The following PRPF4 variants were observed in gnomAD, a reference collection of about 807,000 sequenced individuals.
PRPF4 encodes the protein U4/U6 small nuclear ribonucleoprotein Prp4.
In PRPF4, 14 loss-of-function variants were observed where a neutral mutation model predicts 72.2. That is an observed-to-expected ratio of 0.19 (90% CI 0.13 to 0.30). The LOEUF (loss-of-function observed/expected upper bound fraction) is 0.30. PRPF4 is among the 10% of genes least tolerant of loss of function. The pLI, the probability that PRPF4 is intolerant of heterozygous loss-of-function variation, is 1.00. For synonymous variants in PRPF4, 225 were observed against 232.2 expected, an observed-to-expected ratio of 0.97 and a Z score of 0.28; for missense variants, 478 against 653.9, an observed-to-expected ratio of 0.73 and a Z score of 2.93.
rs1418649318 is a variant in PRPF4, at chr9:113,290,954, A to G, written c.1310A>G (p.Gln437Arg). The change falls in exon 13 of 14, where the codon CAG becomes CGG. Residue 437 changes from glutamine to arginine, a missense_variant. By Grantham distance (43) the Gln-to-Arg change is conservative (BLOSUM62 1). Transcript: ENST00000374198. ...ACCTGCAAAGTGTGGGACCTCCGACAGCGGCGTTGCGTCTACACCATCCCT... is the reference window on the plus strand; with the variant it reads ...ACCTGCAAAGTGTGGGACCTCCGACGGCGGCGTTGCGTCTACACCATCCCT... ...DNTCKVWDLR[Q>R]RRCVYTIPAH... is the part of the protein sequence containing the mutation. The G allele has an allele frequency of 6.2e-7, 1 of 1,614,190 alleles. No individual in the cohort carries two copies. The highest frequency in any genetic ancestry group is 8.5e-7 in the Non-Finnish European group (1 of 1,180,032).
chr9:113,275,706 T>G lies in PRPF4; in HGVS notation c.-38T>G, dbSNP rs764710245. On this transcript the variant is annotated 5_prime_UTR_variant, in exon 1 of 14. Coordinates refer to ENST00000374198, the MANE Select transcript of PRPF4 (RefSeq NM_001244926.2). ...CGGTGGACGGTCTGAAAGGGAGTGTTCGGGTTTCGCTGGGGCCTCGCGGCT... is the reference window on the plus strand; with the variant it reads ...CGGTGGACGGTCTGAAAGGGAGTGTGCGGGTTTCGCTGGGGCCTCGCGGCT... The G allele has an allele frequency of 6.2e-7, 1 of 1,605,372 alleles. No individual in the cohort carries two copies. The highest frequency in any genetic ancestry group is 8.5e-7 in the Non-Finnish European group (1 of 1,175,760).
chr9:113,278,288 C>T (rs1832176111), intron 2 of PRPF4, among the ~76,000 whole-genome samples: 1 of 152,216 alleles, frequency 6.6e-6, no homozygotes, highest in South Asian at 2.1e-4. Flanking sequence ...ATGAAGACTC[C>T]TCTGCAGTAG....
chr9:113,292,265 A>AG lies in PRPF4; in HGVS notation c.*607dup, dbSNP rs975489536. On this transcript the variant is annotated 3_prime_UTR_variant, in exon 14 of 14. Coordinates refer to ENST00000374198, the MANE Select transcript of PRPF4 (RefSeq NM_001244926.2). ...CCTTATAGCCTTCCTCACAGCACCC[A>AG]GGATTGTGACTGACTCTGCATTTTT... The AG allele has an allele frequency of 6.6e-6, 1 of 152,526 alleles. No individual in the cohort carries two copies. The highest frequency in any genetic ancestry group is 6.5e-5 in the Admixed American group (1 of 15,280). The allele number at this position is 152,526 out of a possible 1,614,324, so 9.4% of individuals were successfully genotyped here.
At position 113,291,016 on chromosome 9, in the gene PRPF4, C is replaced by A. The variant is rs768775315; in HGVS notation, c.1372C>A (p.Pro458Thr). 4.3e-6 allele frequency: 7 copies of A among 1,609,784 alleles called. No homozygotes were observed. In the Admixed American group the frequency reaches 1.2e-4, roughly 27 times the overall value. The part of the protein sequence containing the change: ...QNLVTGVKFE[P>T]IHGNFLLTGA... ...CTTAGTGACTGGTGTCAAGTTTGAG[C>A]GTAAGCTTTCCTCCTATTTTACGTC... The change falls in exon 13 of 14, where the codon CCT (proline) becomes ACT (threonine). Residue 458 changes from proline (P) to threonine (T), a missense_variant and splice_region_variant. By Grantham distance (38) the Pro-to-Thr change is conservative. Transcript: ENST00000374198.
Position 113,291,838 on chromosome 9 carries a change from G to A in PRPF4, c.*178G>A, listed in dbSNP as rs1041238859. On this transcript the variant is annotated 3_prime_UTR_variant, in exon 14 of 14. Transcript: ENST00000374198. ...TCCAGGAAGGCAGCCCAATCCCTAG[G>A]TGATGGGGAACCCCTCTCACGGTTG... 4 of 611,444 alleles carry A rather than the reference G, an allele frequency of 6.5e-6. No homozygotes were observed. Among genetic ancestry groups the A allele is most frequent in the Non-Finnish European group, 1.1e-5 (4 of 360,806 alleles). The allele number at this position is 611,444 out of a possible 1,614,324, so 37.9% of individuals were successfully genotyped here.
chr9:113,282,943 T>C, intron 4 of PRPF4, 189 bp from the exon 5 acceptor site: 1 of 1,166,248 alleles, frequency 8.6e-7, no homozygotes, highest in South Asian at 1.6e-5. Flanking sequence ...GAAAGAATCA[T>C]GGCATTCCTG....
rs757227440 is a variant in PRPF4 at position 113,290,536 on chromosome 9, A to G, written c.1093A>G (p.Met365Val). 9.3e-6 allele frequency: 15 copies of G among 1,614,078 alleles called. No homozygotes were observed. In the Admixed American group the frequency reaches 2.0e-4, roughly 22 times the overall value. ...GATCCTGCATCAGGAAGGCCATAGC[A>G]TGGGTGTGTATGACATTGCCTTCCA... is the stretch of plus-strand genomic sequence containing the variant. ...EEILHQEGHS[M>V]GVYDIAFHQD... is the part of the protein sequence containing the mutation. The change falls in exon 11 of 14, where the codon ATG becomes GTG. Residue 365 changes from methionine (M) to valine (V), a missense_variant. Met to Val is a conservative substitution (Grantham distance 21, BLOSUM62 1). Coordinates refer to ENST00000374198, the MANE Select transcript of PRPF4 (RefSeq NM_001244926.2).
chr9:113,277,469 T>C (rs991275101), intron 2 of PRPF4, among the ~76,000 whole-genome samples: 36 of 152,110 alleles, frequency 2.4e-4, no homozygotes, highest in African/African-American at 8.7e-4. Flanking sequence ...CACTGCAACC[T>C]CTGCCTTTTG....
At position 113,275,667 on chromosome 9, in the gene PRPF4, C is replaced by A; in HGVS notation, c.-77C>A. 6.5e-7 allele frequency: 1 copy of A among 1,540,048 alleles called. No individual in the cohort carries two copies. The highest frequency in any genetic ancestry group is 8.8e-7 in the Non-Finnish European group (1 of 1,134,152). ...ACTTCCTGTCAGTGACGCACTTCCC[C>A]TCTGCTGGGCGCGCGGTGGACGGTC... On this transcript the variant is annotated 5_prime_UTR_variant, in exon 1 of 14. Transcript: ENST00000374198.
rs1459935085 is a variant in PRPF4, at chr9:113,279,014, G to A, written c.275G>A (p.Arg92Lys). 6.2e-7 allele frequency: 1 copy of A among 1,614,220 alleles called. No homozygotes were observed. The highest frequency in any genetic ancestry group is 8.5e-7 in the Non-Finnish European group (1 of 1,180,032). Residue 92 changes from arginine to lysine, a missense_variant, in exon 3 of 14, where the codon AGG (arginine) becomes AAG (lysine). Arg to Lys is a conservative substitution (Grantham distance 26). Coordinates refer to ENST00000374198, the MANE Select transcript of PRPF4 (RefSeq NM_001244926.2). ...GAAGTATTGGCTGAGTTTGAGAGAA[G>A]GAAGCGAGCCCGGCAGATCAATGTT... ...QAEVLAEFER[R>K]KRARQINVST...
In PRPF4 at chr9:113,288,178, T is replaced by A. The variant is rs1285042477; in HGVS notation, c.936T>A (p.Asp312Glu). 1 of 1,614,014 alleles carries A rather than the reference T, an allele frequency of 6.2e-7. No individual in the cohort carries two copies. Among genetic ancestry groups the A allele is most frequent in the African/African-American group, 1.3e-5 (1 of 74,942 alleles). The change falls in exon 10 of 14, where the codon GAT becomes GAA. Residue 312 changes from aspartate (D) to glutamate (E), a missense_variant. Coordinates refer to ENST00000374198, the MANE Select transcript of PRPF4 (RefSeq NM_001244926.2). ...GSVKLWSLDS[D>E]EPVADIEGHT... ...TATATGTTTGGTTCCTTTCCAGTGATGAACCAGTGGCAGATATTGAAGGCC... is the reference window on the plus strand; with the variant it reads ...TATATGTTTGGTTCCTTTCCAGTGAAGAACCAGTGGCAGATATTGAAGGCC...
intron 1 of PRPF4, 142 bp from the exon 2 acceptor site, chr9:113,276,406 G>A (rs2118580863): frequency 4.8e-6 from 4 of 839,398 alleles, no homozygotes; most frequent in South Asian, 3.2e-5. Context: ...TCAATGAAGA[G>A]CGTCTTAAGT....
At chr9:113,279,803 C>T (rs1314118507) in intron 3 of PRPF4, among the ~76,000 whole-genome samples, 2 of 152,184 alleles carry the variant, frequency 1.3e-5, no homozygotes, top group African/African-American at 4.8e-5. Flanking sequence ...ATTGAGACAT[C>T]AAATGCATTC....
Position 113,289,058 on chromosome 9 carries a change from C to G in PRPF4, c.1022+794C>G, listed in dbSNP as rs191607583. Among the ~76,000 whole-genome samples, 254 of 152,328 alleles carry G rather than the reference C, an allele frequency of 1.7e-3. 2 individuals carry two copies. Among genetic ancestry groups the G allele is most frequent in the African/African-American group, 5.8e-3 (240 of 41,566 alleles). ...GCCCTTTTCCAGCCAACTCCCCCTT[C>G]TAAAGCAACTGCTGATCTGACTTCT... On this transcript the variant is annotated intron_variant, in intron 10 of 13. Coordinates refer to ENST00000374198, the MANE Select transcript of PRPF4 (RefSeq NM_001244926.2).
chr9:113,276,869 C>T, intron 2 of PRPF4, 144 bp downstream of exon 2: 3 of 933,042 alleles, frequency 3.2e-6, no homozygotes, highest in Non-Finnish European at 3.1e-6. Context: ...GGCTGGAGTG[C>T]AGTGGTGCGA....
chr9:113,284,383 C>T lies in PRPF4; in HGVS notation c.743C>T (p.Ala248Val), dbSNP rs1832373198. 2 of 1,608,152 alleles carry T rather than the reference C, an allele frequency of 1.2e-6. No homozygotes were observed. The highest frequency in any genetic ancestry group is 1.7e-6 in the Non-Finnish European group (2 of 1,174,610). ...FSPNSKMLAT[A>V]CWSGLCKLWS... ...CCCAATTCCAAGATGCTGGCCACAG[C>T]TTGTTGGTAAGTTCCATTTTACAAT... Residue 248 changes from alanine (A) to valine (V), a missense_variant, in exon 7 of 14, where the codon GCT becomes GTT. Coordinates refer to ENST00000374198, the MANE Select transcript of PRPF4 (RefSeq NM_001244926.2).
intron 9 of PRPF4, 110 bp from the exon 10 acceptor site, chr9:113,288,065 C>G: frequency 1.0e-6 from 1 of 962,464 alleles, no homozygotes; most frequent in Non-Finnish European, 1.5e-6. Context: ...AGTGTAGTTA[C>G]AATTTAGCCT....
intron 9 of PRPF4, among the ~76,000 whole-genome samples, chr9:113,287,218 T>C (rs10981715): frequency 0.36 from 55,085 of 152,044 alleles, 10,297 homozygotes; most frequent in South Asian, 0.53. Flanking sequence ...TTGATTTTTG[T>C]CTATAGCCTA....
At chr9:113,278,839 T>C in intron 2 of PRPF4, 106 bp from the exon 3 acceptor site, 2 of 1,091,858 alleles carry the variant, frequency 1.8e-6, no homozygotes, top group Non-Finnish European at 2.7e-6. Context: ...AAATGTGTAA[T>C]AGACAGTTAC....
Sources: allele counts gnomAD v4.1 joint callset (sites outside exome capture counted in the v4.1 genomes callset), GRCh38; gene constraint gnomAD v4.1.1; transcripts MANE v1.5; gene names NCBI Gene and HGNC (gene_info 2026-07-23, HGNC 2026-07-21).